Variants in UBQLN1 observed in about 807,000 individuals in gnomAD.
UBQLN1 encodes the protein ubiquilin 1, also known as ubiquilin-1.
Under a neutral mutation model 65.4 loss-of-function variants are expected in UBQLN1, and 13 were observed. That is an observed-to-expected ratio of 0.20 (90% CI 0.13 to 0.32). The LOEUF (loss-of-function observed/expected upper bound fraction) is 0.32, where lower values mean the gene tolerates loss of function less well. Among genes scored for constraint, UBQLN1 ranks in the 10% least tolerant of loss-of-function variants. UBQLN1 has a pLI of 1.00. For synonymous variants in UBQLN1, 267 were observed against 247.8 expected (o/e 1.08, Z -0.73); for missense variants, 561 against 724.0 (o/e 0.77, Z 2.58).
At chr9:83,675,992 T>C (rs894650045) in intron 6 of UBQLN1, among the ~76,000 whole-genome samples, 1 of 146,776 alleles carries the variant, frequency 6.8e-6, no homozygotes, top group Non-Finnish European at 1.5e-5. Flanking sequence ...ATGTAATACA[T>C]TCTCCATTTT....
chr9:83,681,988 G>T (rs1019639053), intron 3 of UBQLN1, among the ~76,000 whole-genome samples: 1 of 152,162 alleles, frequency 6.6e-6, no homozygotes, highest in Non-Finnish European at 1.5e-5. Context: ...AGCAAGAAAT[G>T]AAGCTTTGTT....
chr9:83,664,077 T>G, intron 9 of UBQLN1, 34 bp from the exon 10 acceptor site: 1 of 1,584,694 alleles, frequency 6.3e-7, no homozygotes. Flanking sequence ...TATCCTAAGG[T>G]CCTGCAAAAC....
chr9:83,679,000 C>A (rs940071243), intron 4 of UBQLN1, among the ~76,000 whole-genome samples: 1 of 152,158 alleles, frequency 6.6e-6, no homozygotes, highest in African/African-American at 2.4e-5. Flanking sequence ...GGATTACAAG[C>A]GTGAGCCACC....
At chr9:83,685,949 A>T in intron 2 of UBQLN1, 55 bp downstream of exon 2, 1 of 1,478,560 alleles carries the variant, frequency 6.8e-7, no homozygotes, top group Non-Finnish European at 9.1e-7. Flanking sequence ...AGTTACTTTT[A>T]GAAGTACGAA....
chr9:83,692,272 G>A (rs1180932515), intron 1 of UBQLN1, among the ~76,000 whole-genome samples: 7 of 152,146 alleles, frequency 4.6e-5, no homozygotes, highest in Non-Finnish European at 7.3e-5. Flanking sequence ...AATTCTGCAC[G>A]TACTTCAAAT....
intron 6 of UBQLN1, among the ~76,000 whole-genome samples, chr9:83,675,392 AC>A (rs1831815048): frequency 2.6e-5 from 4 of 152,176 alleles, no homozygotes; most frequent in Admixed American, 2.6e-4. Flanking sequence ...GTGTGATCAT[AC>A]TAAAGTCATT....
chr9:83,688,178 T>TA (rs1300071823), intron 1 of UBQLN1, among the ~76,000 whole-genome samples: 2 of 152,208 alleles, frequency 1.3e-5, no homozygotes, highest in Non-Finnish European at 2.9e-5. Context: ...ATCAGGTATA[T>TA]AGGCAGTAGT....
Position 83,663,904 on chromosome 9 carries a change from G to A in UBQLN1, c.1588C>T (p.Leu530=). The part of the protein sequence containing the change: ...PGHQQFIQQM[L]QALAGVNPQL... ...GGATTTACTCCAGCAAGAGCCTGCA[G>A]CATCTGCTGAATAAACTGCTGATGT... is the stretch of plus-strand genomic sequence containing the variant. The change falls in exon 10 of 11, where the codon CTG becomes TTG. Residue 530 remains leucine (L), a synonymous_variant. Transcript: ENST00000376395. The A allele has an allele frequency of 6.2e-7, 1 of 1,614,096 alleles. No individual in the cohort carries two copies. The highest frequency in any genetic ancestry group is 8.5e-7 in the Non-Finnish European group (1 of 1,179,962).
In UBQLN1 at chr9:83,677,832, C is replaced by T. The variant is rs1278109324; in HGVS notation, c.1000G>A (p.Ala334Thr). The T allele has an allele frequency of 3.1e-6, 5 of 1,614,012 alleles. No homozygotes were observed. The African/African-American group carries it at 6.7e-5, about 22-fold the overall frequency. Residue 334 changes from alanine to threonine, a missense_variant, in exon 6 of 11, where the codon GCT (alanine) becomes ACT (threonine). By Grantham distance (58) the Ala-to-Thr change is moderately conservative (BLOSUM62 0). Around this residue, in one of 8 missense-constraint regions of UBQLN1, gnomAD observed 89 missense variants for 77.8 expected, o/e 1.14. Transcript: ENST00000376395. ...WAPQTSQSSS[A>T]SSGTASTVGG... is the part of the protein sequence containing the mutation. Reference sequence around the variant, plus strand: ...ACAGTGCTGGCAGTGCCGCTGGAAGCTGATGAACTCTGGGAAGTCTGTGGA... The same window carrying T: ...ACAGTGCTGGCAGTGCCGCTGGAAGTTGATGAACTCTGGGAAGTCTGTGGA...
At chr9:83,678,009 A>G in intron 5 of UBQLN1, 48 bp from the exon 6 acceptor site, 1 of 1,454,474 alleles carries the variant, frequency 6.9e-7, no homozygotes, top group Non-Finnish European at 9.3e-7. Context: ...TTTTGTTTTA[A>G]ATAAGATATG....
At chr9:83,688,630 G>A (rs1350746608) in intron 1 of UBQLN1, among the ~76,000 whole-genome samples, 3 of 151,844 alleles carry the variant, frequency 2.0e-5, no homozygotes, top group African/African-American at 4.8e-5. Context: ...CTGGGAGGCC[G>A]AGGCGGGCAG....
At chr9:83,692,868 A>T (rs1832151255) in intron 1 of UBQLN1, among the ~76,000 whole-genome samples, 1 of 152,174 alleles carries the variant, frequency 6.6e-6, no homozygotes, top group Admixed American at 6.5e-5. Flanking sequence ...TAATAATAAC[A>T]ACAATAATAA....
At position 83,673,580 on chromosome 9, in the gene UBQLN1, A is replaced by AAC. The variant is rs1554727531; in HGVS notation, c.1105+4146_1105+4147insGT. Among the ~76,000 whole-genome samples, 243 of 109,552 alleles carry AAC rather than the reference A, an allele frequency of 2.2e-3. 10 individuals are homozygous for AAC. Among genetic ancestry groups the AAC allele is most frequent in the African/African-American group, 8.1e-3 (200 of 24,594 alleles). 71.9% of individuals were successfully genotyped at this position (109,552 alleles called of 152,430 possible). A position where few individuals can be genotyped will look rare whatever the true frequency, so the allele number is the denominator to read the frequency against. On this transcript the variant is annotated intron_variant, in intron 6 of 10. Coordinates refer to ENST00000376395, the MANE Select transcript of UBQLN1 (RefSeq NM_013438.5). ...AAAAAAAAAAAAACAAAAAAAAAAA[A>AAC]CTGCGCTTACGTTTTTATTTTTAAA...
rs532813622 is a variant in UBQLN1 at position 83,697,715 on chromosome 9, G to A, written c.180+9785C>T. Among the ~76,000 whole-genome samples the A allele has an allele frequency of 4.1e-5, 6 of 145,026 alleles. No homozygotes were observed. The South Asian group carries it at 6.6e-4, about 16-fold the overall frequency. Reference sequence around the variant, plus strand: ...GGACTACAGGCATGCACCACCACACGCGGCTATTTTTTGTACCCTTTTTTT... The same window carrying A: ...GGACTACAGGCATGCACCACCACACACGGCTATTTTTTGTACCCTTTTTTT... On this transcript the variant is annotated intron_variant, in intron 1 of 10. Transcript: ENST00000376395.
At chr9:83,695,897 T>TA (rs1832204098) in intron 1 of UBQLN1, among the ~76,000 whole-genome samples, 1 of 152,232 alleles carries the variant, frequency 6.6e-6, no homozygotes. Flanking sequence ...AAAAAGCTCC[T>TA]AATCTCAATT....
intron 7 of UBQLN1, 67 bp downstream of exon 7, chr9:83,669,118 A>T: frequency 6.5e-7 from 1 of 1,544,536 alleles, no homozygotes; most frequent in Non-Finnish European, 8.7e-7. Context: ...TGCCAAAATC[A>T]CAATTACAAG....
chr9:83,686,268 C>T (rs1587653359), intron 1 of UBQLN1, 113 bp from the exon 2 acceptor site: 2 of 682,916 alleles, frequency 2.9e-6, no homozygotes, highest in East Asian at 3.4e-5. Context: ...ATTCAAACAC[C>T]ATAATCCCAA....
At position 83,660,982 on chromosome 9, in the gene UBQLN1, C is replaced by T. The variant is rs1031786442; in HGVS notation, c.*805G>A. The T allele has an allele frequency of 2.6e-5, 4 of 152,228 alleles. No homozygotes were observed. The highest frequency in any genetic ancestry group is 9.7e-5 in the African/African-American group (4 of 41,420). The allele number at this position is 152,228 out of a possible 1,614,324, so 9.4% of individuals were successfully genotyped here. A position where few individuals can be genotyped will look rare whatever the true frequency, so the allele number is the denominator to read the frequency against. On this transcript the variant is annotated 3_prime_UTR_variant, in exon 11 of 11. Transcript: ENST00000376395. The stretch of plus-strand genomic sequence containing the variant: ...GCACTTTGGGGTATACTACAGTGTT[C>T]CTTCAGTCTGCACAAAGATTAAGGT...
At chr9:83,670,992 G>A (rs1831720324) in intron 6 of UBQLN1, among the ~76,000 whole-genome samples, 1 of 151,962 alleles carries the variant, frequency 6.6e-6, no homozygotes, top group South Asian at 2.1e-4. Flanking sequence ...ATGGAGTCTC[G>A]CTTTTGTCAC....
Sources: allele counts gnomAD v4.1 joint callset (sites outside exome capture counted in the v4.1 genomes callset), GRCh38; gene constraint gnomAD v4.1.1; regional missense constraint gnomAD v4.1.1; transcripts MANE v1.5; gene names NCBI Gene and HGNC (gene_info 2026-07-23, HGNC 2026-07-21).